SLC38A8: variants seen among roughly 807,000 people sequenced by gnomAD.
The protein encoded by SLC38A8 is amino acid transporter SLC38A8.
SLC38A8 carries 65 observed loss-of-function variants against 46.0 expected under a neutral mutation model. That is an observed-to-expected ratio of 1.41 (90% confidence interval 1.16 to 1.74). The LOEUF is 1.74. Ranked by LOEUF, SLC38A8 falls within the 40% of genes most tolerant of loss-of-function variation. The pLI, the probability that SLC38A8 is intolerant of heterozygous loss-of-function variation, is 0.00. For missense variants in SLC38A8, 998 were observed against 567.9 expected (o/e 1.76, Z -7.70); for synonymous variants, 447 against 243.7 (o/e 1.83, Z -7.77).
chr16:84,038,042 G>A (rs1377226677), intron 2 of SLC38A8, among the ~76,000 whole-genome samples: 1 of 151,460 alleles, frequency 6.6e-6, no homozygotes, highest in Non-Finnish European at 1.5e-5. Flanking sequence ...CAGGTGCTAT[G>A]GCTCACGCCT....
chr16:84,010,099 C>G (rs570670740), intron 10 of SLC38A8, among the ~76,000 whole-genome samples: 23 of 106,856 alleles, frequency 2.2e-4, no homozygotes, highest in Non-Finnish European at 3.8e-4. Flanking sequence ...GAGGTGGAGT[C>G]TCATTCTGTT....
intron 9 of SLC38A8, among the ~76,000 whole-genome samples, chr16:84,013,420 G>GTA (rs1383553761): frequency 1.1e-5 from 1 of 94,628 alleles, no homozygotes; most frequent in African/African-American, 7.5e-5. Flanking sequence ...TTTGTTGTGT[G>GTA]TGTGTTTTTT....
At chr16:84,024,723 T>C (rs2085141245) in intron 6 of SLC38A8, among the ~76,000 whole-genome samples, 1 of 152,050 alleles carries the variant, frequency 6.6e-6, no homozygotes, top group African/African-American at 2.4e-5. Flanking sequence ...AGAGTCTCGC[T>C]CTGTCACCCA....
rs139413357 is a variant in SLC38A8, at chr16:84,041,704, C to G, written c.189+265G>C. On this transcript the variant is annotated intron_variant, in intron 2 of 10. Transcript: ENST00000299709. The stretch of plus-strand genomic sequence containing the variant: ...GAGGTTCCTTCCCAGGTGAAATGCC[C>G]ACTTCACAGACAGAGCTGCGATGCC... Among the ~76,000 whole-genome samples the G allele has an allele frequency of 3.3e-3, 500 of 152,314 alleles. 2 individuals are homozygous for G. Among genetic ancestry groups the G allele is most frequent in the African/African-American group, 0.011 (447 of 41,560 alleles).
chr16:84,036,736 G>C lies in SLC38A8; in HGVS notation c.354C>G (p.Ala118=). Residue 118 remains alanine, a synonymous_variant, in exon 3 of 11, where the codon GCC becomes GCG. Coordinates refer to ENST00000299709, the MANE Select transcript of SLC38A8 (RefSeq NM_001080442.3). Reference sequence around the variant, plus strand: ...GCTGGTCCCCGATCACCCTGAGGAAGGCCACGGAGATCATGAGCAGGTTGA... The same window carrying C: ...GCTGGTCCCCGATCACCCTGAGGAACGCCACGGAGATCATGAGCAGGTTGA... The part of the protein sequence containing the change: ...FLLNLLMISV[A]FLRVIGDQLE... 1.2e-6 allele frequency: 2 copies of C among 1,614,212 alleles called. No homozygotes were observed. The highest frequency in any genetic ancestry group is 1.7e-6 in the Non-Finnish European group (2 of 1,180,034).
At chr16:84,028,349 G>C (rs1178853298) in intron 6 of SLC38A8, among the ~76,000 whole-genome samples, 2 of 152,062 alleles carry the variant, frequency 1.3e-5, no homozygotes, top group Non-Finnish European at 2.9e-5. Context: ...GGGAGGCCGA[G>C]GAGGGCAGAT....
intron 6 of SLC38A8, among the ~76,000 whole-genome samples, chr16:84,028,131 G>C (rs1321823222): frequency 6.6e-6 from 1 of 151,830 alleles, no homozygotes; most frequent in Admixed American, 6.6e-5. Flanking sequence ...GTCAAGGGAA[G>C]AGACGAGCTC....
intron 10 of SLC38A8, among the ~76,000 whole-genome samples, chr16:84,011,096 T>C (rs2151110457): frequency 6.6e-6 from 1 of 152,336 alleles, no homozygotes; most frequent in African/African-American, 2.4e-5. Flanking sequence ...GGAACATTTC[T>C]AACCGAGCAG....
At chr16:84,015,130 C>T (rs2085009851) in intron 9 of SLC38A8, among the ~76,000 whole-genome samples, 1 of 152,128 alleles carries the variant, frequency 6.6e-6, no homozygotes, top group Non-Finnish European at 1.5e-5. Flanking sequence ...GCGGCTGAAT[C>T]ACAGGGTCCA....
In SLC38A8 at chr16:84,022,908, C is replaced by T. The variant is rs377691175; in HGVS notation, c.691-19G>A. 32 of 1,549,098 alleles carry T rather than the reference C, an allele frequency of 2.1e-5. No individual in the cohort carries two copies. The African/African-American group carries it at 4.2e-4, about 20-fold the overall frequency. On this transcript the variant is annotated intron_variant, in intron 6 of 10. Transcript: ENST00000299709. ...CGTGACACTGTAAGACAGAGGGCGG[C>T]TCAGCAGGATGCTGGCTTCCCCTGG...
intron 6 of SLC38A8, among the ~76,000 whole-genome samples, chr16:84,023,818 C>A (rs528682459): frequency 6.6e-6 from 1 of 152,168 alleles, no homozygotes; most frequent in South Asian, 2.1e-4. Flanking sequence ...CACTGGAATT[C>A]GGGAGGCGGA....
At chr16:84,036,324 G>C (rs575603217) in intron 3 of SLC38A8, among the ~76,000 whole-genome samples, 1 of 152,234 alleles carries the variant, frequency 6.6e-6, no homozygotes, top group Non-Finnish European at 1.5e-5. Flanking sequence ...AGTCTTAGTC[G>C]GGAACTCGAG....
At chr16:84,019,883 A>C (rs577364773) in intron 7 of SLC38A8, among the ~76,000 whole-genome samples, 3 of 152,392 alleles carry the variant, frequency 2.0e-5, no homozygotes, top group African/African-American at 7.2e-5. Flanking sequence ...CTGGAGGATC[A>C]TCTGTTTTGA....
At chr16:84,010,152 C>T (rs2084937547) in intron 10 of SLC38A8, among the ~76,000 whole-genome samples, 1 of 144,342 alleles carries the variant, frequency 6.9e-6, no homozygotes. Context: ...CTCACTGCAG[C>T]CTCCACCTCC....
intron 9 of SLC38A8, among the ~76,000 whole-genome samples, chr16:84,013,729 CTT>C (rs11352373): frequency 0.015 from 2,098 of 138,674 alleles, 54 homozygotes; most frequent in African/African-American, 0.052. Context: ...GCACCCAGCC[CTT>C]TTTTTTTTTT....
chr16:84,013,422 G>GTTTTTTTTTTTTGTTTTTTTTTTT (rs369454720), intron 9 of SLC38A8, among the ~76,000 whole-genome samples: 3 of 108,698 alleles, frequency 2.8e-5, no homozygotes, highest in Non-Finnish European at 5.3e-5. Context: ...TGTTGTGTGT[G>GTTTTTTTTTTTTGTTTTTTTTTTT]TGTTTTTTTT....
chr16:84,033,962 G>A (rs779056302), intron 3 of SLC38A8, among the ~76,000 whole-genome samples: 1 of 152,186 alleles, frequency 6.6e-6, no homozygotes, highest in East Asian at 1.9e-4. Context: ...ACAAGTCATG[G>A]ATCGTAGGTA....
chr16:84,011,582 C>T (rs1297684173), intron 10 of SLC38A8, among the ~76,000 whole-genome samples: 1 of 152,136 alleles, frequency 6.6e-6, no homozygotes, highest in Admixed American at 6.5e-5. Context: ...GAAGGGTGGC[C>T]CCCAAAATTC....
intron 9 of SLC38A8, among the ~76,000 whole-genome samples, chr16:84,013,312 C>T (rs574403895): frequency 6.6e-6 from 1 of 151,786 alleles, no homozygotes; most frequent in Non-Finnish European, 1.5e-5. Context: ...GCAACCTTGA[C>T]AACATGCCCC....
Sources: allele counts gnomAD v4.1 joint callset (sites outside exome capture counted in the v4.1 genomes callset), GRCh38; gene constraint gnomAD v4.1.1; transcripts MANE v1.5; gene names NCBI Gene and HGNC (gene_info 2026-07-23, HGNC 2026-07-21).